Variants in MET observed in about 807,000 individuals in gnomAD.
MET encodes the protein hepatocyte growth factor receptor.
In MET, 48 loss-of-function variants were observed where a neutral mutation model predicts 133.1. That is an observed-to-expected ratio of 0.36 (90% confidence interval 0.29 to 0.46). MET has a LOEUF of 0.46. Among genes scored for constraint, MET ranks in the 20% least tolerant of loss-of-function variants. MET has a pLI of 1.00. For missense variants in MET, 1,442 were observed against 1,695.9 expected (o/e 0.85, Z 2.63); for synonymous variants, 628 against 616.5 (o/e 1.02, Z -0.28).
chr7:116,728,120 T>C (rs1792862948), intron 2 of MET, among the ~76,000 whole-genome samples: 1 of 152,202 alleles, frequency 6.6e-6, no homozygotes, highest in African/African-American at 2.4e-5. Flanking sequence ...ACACCTCTTC[T>C]GCAGATCTCA....
chr7:116,703,085 C>T (rs576785477), intron 2 of MET, among the ~76,000 whole-genome samples: 2 of 152,278 alleles, frequency 1.3e-5, no homozygotes, highest in East Asian at 1.9e-4. Flanking sequence ...TCCCAGTACT[C>T]GTCATCTTCA....
At chr7:116,787,554 G>A (rs777309408) in intron 19 of MET, among the ~76,000 whole-genome samples, 1 of 152,152 alleles carries the variant, frequency 6.6e-6, no homozygotes, top group Non-Finnish European at 1.5e-5. Flanking sequence ...AGCAAGAGGT[G>A]AACAGATTCT....
At chr7:116,743,035 C>G (rs961988580) in intron 5 of MET, among the ~76,000 whole-genome samples, 3 of 152,210 alleles carry the variant, frequency 2.0e-5, no homozygotes, top group African/African-American at 4.8e-5. Context: ...CAGAGGTACA[C>G]GGCTCATCTC....
chr7:116,699,055 G>A lies in MET; in HGVS notation c.-14-16G>A, dbSNP rs2116577032. 6.2e-7 allele frequency: 1 copy of A among 1,613,596 alleles called. No homozygotes were observed. The highest frequency in any genetic ancestry group is 8.5e-7 in the Non-Finnish European group (1 of 1,179,792). ...CTGACAACTGAACTGCTCTCGCCTT[G>A]AACCTGTTTTGGCAGATAAACCTCT... is the stretch of plus-strand genomic sequence containing the variant. On this transcript the variant is annotated splice_polypyrimidine_tract_variant and intron_variant, in intron 1 of 20. Transcript: ENST00000397752.
chr7:116,724,712 C>A, intron 2 of MET: 1 of 801,104 alleles, frequency 1.2e-6, no homozygotes, highest in Non-Finnish European at 1.8e-6. Context: ...CTTTTGGAAG[C>A]CACCCGGTAG....
intron 2 of MET, among the ~76,000 whole-genome samples, chr7:116,707,547 C>A (rs887456020): frequency 2.0e-5 from 3 of 152,108 alleles, no homozygotes; most frequent in Admixed American, 6.6e-5. Context: ...AAATTTGTGT[C>A]TGTGTATCAA....
chr7:116,788,014 A>G (rs1225222038), intron 19 of MET, among the ~76,000 whole-genome samples: 1 of 152,246 alleles, frequency 6.6e-6, no homozygotes, highest in African/African-American at 2.4e-5. Flanking sequence ...GGAATTACTG[A>G]TGCCTACTAC....
Position 116,672,282 on chromosome 7 carries a change from C to A in MET, c.-310C>A, listed in dbSNP as rs1030866678. 2.8e-5 allele frequency: 5 copies of A among 178,692 alleles called. No individual in the cohort carries two copies. Among genetic ancestry groups the A allele is most frequent in the Non-Finnish European group, 5.8e-5 (5 of 86,704 alleles). 11.1% of individuals were successfully genotyped at this position (178,692 alleles called of 1,614,324 possible). On this transcript the variant is annotated 5_prime_UTR_variant, in exon 1 of 21. Transcript: ENST00000397752. ...CCCAACGCGCCCGGGCCGCCGCGGG[C>A]CGCGCGCGCCGATGCCCGGCTGAGT...
chr7:116,788,707 G>A (rs1471757345), intron 19 of MET, among the ~76,000 whole-genome samples: 4 of 152,216 alleles, frequency 2.6e-5, no homozygotes, highest in African/African-American at 9.6e-5. Flanking sequence ...AATTTGCACA[G>A]TGTTTTACTT....
intron 5 of MET, among the ~76,000 whole-genome samples, chr7:116,753,770 T>A (rs1385834236): frequency 6.6e-6 from 1 of 152,130 alleles, no homozygotes; most frequent in African/African-American, 2.4e-5. Context: ...AAAGGCTGAG[T>A]GTGTCAACTA....
intron 17 of MET, 116 bp from the exon 18 acceptor site, chr7:116,781,872 C>A: frequency 1.3e-6 from 1 of 770,768 alleles, no homozygotes; most frequent in Non-Finnish European, 2.2e-6. Context: ...GCCATTAAGA[C>A]CAAACTAATT....
intron 5 of MET, among the ~76,000 whole-genome samples, chr7:116,750,809 CAT>C (rs1274214074): frequency 4.6e-5 from 7 of 152,188 alleles, no homozygotes; most frequent in African/African-American, 1.4e-4. Context: ...GGCCAAAAAA[CAT>C]ATGAAAAAAA....
chr7:116,716,297 GA>G (rs1562892929), intron 2 of MET, among the ~76,000 whole-genome samples: 23 of 107,094 alleles, frequency 2.1e-4, no homozygotes, highest in African/African-American at 9.2e-4. Flanking sequence ...GAGAGAGAGA[GA>G]GAGAGAGAGA....
chr7:116,776,260 A>G (rs562111069), intron 15 of MET, among the ~76,000 whole-genome samples: 1 of 152,198 alleles, frequency 6.6e-6, no homozygotes, highest in African/African-American at 2.4e-5. Flanking sequence ...TTCTTCTGTC[A>G]AACACCCCAG....
chr7:116,712,201 A>T (rs1792027416), intron 2 of MET, among the ~76,000 whole-genome samples: 1 of 152,172 alleles, frequency 6.6e-6, no homozygotes, highest in Non-Finnish European at 1.5e-5. Context: ...TCAAGTGAAC[A>T]CTTTTTCCCT....
rs2117031817 is a variant in MET, at chr7:116,775,063, A to C, written c.3211A>C (p.Ile1071Leu). 6.2e-7 allele frequency: 1 copy of C among 1,614,176 alleles called. No individual in the cohort carries two copies. ...GGTCCAGGCAGTGCAGCATGTAGTG[A>C]TTGGGCCCAGTAGCCTGATTGTGCA... ...ELVQAVQHVV[I>L]GPSSLIVHFN... is the part of the protein sequence containing the mutation. The change falls in exon 15 of 21, where the codon ATT (isoleucine) becomes CTT (leucine). Residue 1071 changes from isoleucine (I) to leucine (L), a missense_variant. Physicochemically the swap from Ile to Leu is conservative, Grantham distance 5. Around this residue, in one of 6 missense-constraint regions of MET, gnomAD observed 514 missense variants for 659.6 expected, o/e 0.78. Coordinates refer to ENST00000397752, the MANE Select transcript of MET (RefSeq NM_000245.4).
intron 2 of MET, among the ~76,000 whole-genome samples, chr7:116,717,090 T>G (rs946414613): frequency 3.3e-5 from 5 of 152,220 alleles, no homozygotes; most frequent in Non-Finnish European, 7.3e-5. Flanking sequence ...AACTGTGCCC[T>G]GAGCACATCA....
intron 2 of MET, among the ~76,000 whole-genome samples, chr7:116,705,968 A>C (rs1311936526): frequency 6.6e-6 from 1 of 151,992 alleles, no homozygotes; most frequent in East Asian, 1.9e-4. Flanking sequence ...ATGAACCTTT[A>C]ATTCCTTTTG....
Position 116,699,627 on chromosome 7 carries a change from A to C in MET, c.543A>C (p.Gly181=), listed in dbSNP as rs1316581869. The change falls in exon 2 of 21, where the codon GGA becomes GGC. Residue 181 remains glycine, a synonymous_variant. Coordinates refer to ENST00000397752, the MANE Select transcript of MET (RefSeq NM_000245.4). Reference sequence around the variant, plus strand: ...CTGACTGTGTGGTGAGCGCCCTGGGAGCCAAAGTCCTTTCATCTGTAAAGG... The same window carrying C: ...CTGACTGTGTGGTGAGCGCCCTGGGCGCCAAAGTCCTTTCATCTGTAAAGG... ...QCPDCVVSAL[G]AKVLSSVKDR... 3 of 1,613,862 alleles carry C rather than the reference A, an allele frequency of 1.9e-6. No homozygotes were observed. Among genetic ancestry groups the C allele is most frequent in the Non-Finnish European group, 2.5e-6 (3 of 1,179,960 alleles).
Sources: gnomAD v4.1 joint callset for allele counts (sites outside exome capture counted in the v4.1 genomes callset) on GRCh38, gnomAD v4.1.1 for gene constraint, gnomAD v4.1.1 regional missense constraint, MANE v1.5 for transcripts, NCBI Gene and HGNC (gene_info 2026-07-23, HGNC 2026-07-21) for gene names.